The following CFAP96 variants were observed in gnomAD, a reference collection of about 807,000 sequenced individuals.
CFAP96 encodes the protein cilia-and flagella-associated protein 96.
the CFAP96 span, chr4:185,418,921 A>C: frequency 6.4e-6 from 4 of 625,910 alleles, no homozygotes; most frequent in South Asian, 1.1e-4. Flanking sequence ...CTATCTTTTT[A>C]AAAAAGTCTG....
the CFAP96 span, among the ~76,000 whole-genome samples, chr4:185,424,902 A>G: frequency 6.6e-6 from 1 of 152,210 alleles, no homozygotes; most frequent in African/African-American, 2.4e-5. Flanking sequence ...TAGTCTTCCT[A>G]GACTTCCGAA....
At chr4:185,433,664 G>A in the CFAP96 span, among the ~76,000 whole-genome samples, 2 of 152,176 alleles carry the variant, frequency 1.3e-5, no homozygotes, top group African/African-American at 4.8e-5. Context: ...CACTTTGGGA[G>A]GCCGAGGCGG....
chr4:185,427,064 CAAAA>C, the CFAP96 span, among the ~76,000 whole-genome samples: 1 of 135,980 alleles, frequency 7.4e-6, no homozygotes, highest in African/African-American at 2.9e-5. Flanking sequence ...GACTCCGTCT[CAAAA>C]AAAAAAAAAA....
chr4:185,425,383 T>G, the CFAP96 span, among the ~76,000 whole-genome samples: 1 of 152,038 alleles, frequency 6.6e-6, no homozygotes, highest in Non-Finnish European at 1.5e-5. Flanking sequence ...AAGAAAGGTC[T>G]AACTTAGAGA....
the CFAP96 span, among the ~76,000 whole-genome samples, chr4:185,439,650 A>G: frequency 6.6e-6 from 1 of 151,388 alleles, no homozygotes; most frequent in Admixed American, 6.6e-5. Flanking sequence ...ATATTGTCTA[A>G]TAGAAAAGAT....
chr4:185,430,368 G>C, the CFAP96 span, among the ~76,000 whole-genome samples: 6 of 152,176 alleles, frequency 3.9e-5, no homozygotes, highest in African/African-American at 1.4e-4. Context: ...GCAAGGTGCA[G>C]AATAGTCTAT....
At chr4:185,429,501 A>G in the CFAP96 span, 2 of 1,522,348 alleles carry the variant, frequency 1.3e-6, no homozygotes, top group Non-Finnish European at 1.8e-6. Flanking sequence ...AATATGTGTC[A>G]CAATTTAATC....
At chr4:185,422,991 T>A in the CFAP96 span, among the ~76,000 whole-genome samples, 1 of 152,210 alleles carries the variant, frequency 6.6e-6, no homozygotes, top group Non-Finnish European at 1.5e-5. Context: ...CCCATGTAGC[T>A]GAGATTACAG....
the CFAP96 span, among the ~76,000 whole-genome samples, chr4:185,444,127 G>A: frequency 6.7e-6 from 1 of 148,426 alleles, no homozygotes; most frequent in East Asian, 2.0e-4. Flanking sequence ...CTAATTTTTT[G>A]TATTTTTAGT....
the CFAP96 span, among the ~76,000 whole-genome samples, chr4:185,424,730 AAGTT>A: frequency 2.0e-5 from 3 of 152,240 alleles, no homozygotes; most frequent in Non-Finnish European, 2.9e-5. Flanking sequence ...CTGAAGATAA[AAGTT>A]AGACAGGAAA....
the CFAP96 span, among the ~76,000 whole-genome samples, chr4:185,426,837 G>T: frequency 4.9e-5 from 7 of 142,816 alleles, no homozygotes; most frequent in African/African-American, 1.9e-4. Flanking sequence ...TTCGAGGCCA[G>T]CCTGGGCAAA....
At chr4:185,415,349 TG>T in the CFAP96 span, 1 of 1,568,880 alleles carries the variant, frequency 6.4e-7, no homozygotes, top group Non-Finnish European at 8.6e-7. Context: ...TTACGAACTC[TG>T]TGGGGGGAAA....
At chr4:185,437,369 A>G in the CFAP96 span, among the ~76,000 whole-genome samples, 67 of 152,358 alleles carry the variant, frequency 4.4e-4, no homozygotes, top group East Asian at 0.011. Context: ...TATGAACATA[A>G]TTTCACAATA....
chr4:185,443,342 A>ATATATTTTTTTTTTTTTTT, the CFAP96 span, among the ~76,000 whole-genome samples: 1 of 26,726 alleles, frequency 3.7e-5, no homozygotes, highest in Non-Finnish European at 7.4e-5. Context: ...ATATATATAT[A>ATATATTTTTTTTTTTTTTT]TTTTTTTTTT....
chr4:185,421,361 T>C, the CFAP96 span, among the ~76,000 whole-genome samples: 2 of 152,338 alleles, frequency 1.3e-5, no homozygotes, highest in African/African-American at 2.4e-5. Context: ...AATTTCATGT[T>C]GAAATGTGAT....
the CFAP96 span, among the ~76,000 whole-genome samples, chr4:185,424,431 T>C: frequency 1.3e-5 from 2 of 152,234 alleles, no homozygotes; most frequent in African/African-American, 4.8e-5. Flanking sequence ...TACAAATCCT[T>C]TGTCACATTT....
At chr4:185,437,538 A>G in the CFAP96 span, among the ~76,000 whole-genome samples, 1 of 152,226 alleles carries the variant, frequency 6.6e-6, no homozygotes, top group Non-Finnish European at 1.5e-5. Context: ...TACCAGTGGA[A>G]TGTGAGAGAA....
chr4:185,422,465 G>A, the CFAP96 span: 1 of 1,580,788 alleles, frequency 6.3e-7, no homozygotes, highest in Non-Finnish European at 8.6e-7. Context: ...TAATAAAAAA[G>A]AATTTTTCAG....
chr4:185,438,067 T>G, the CFAP96 span, among the ~76,000 whole-genome samples: 30 of 152,202 alleles, frequency 2.0e-4, 1 homozygote, highest in South Asian at 6.2e-3. Context: ...TGTTGTTTTC[T>G]TTCATCCTTC....
Sources: gnomAD v4.1 joint callset for allele counts (sites outside exome capture counted in the v4.1 genomes callset) on GRCh38, gnomAD v4.1.1 for gene constraint, MANE v1.5 for transcripts, NCBI Gene and HGNC (gene_info 2026-07-23, HGNC 2026-07-21) for gene names.